Variants in FALEC observed in about 807,000 individuals in gnomAD.
The protein encoded by FALEC is focally amplified lncRNA on chromosome 1.
At chr1:150,522,856 T>TATACATATATATAC (rs1462943689), downstream of FALEC, among the ~76,000 whole-genome samples, 1 of 116,852 alleles carries the variant, frequency 8.6e-6, no homozygotes, top group African/African-American at 3.3e-5. Context: ...TCTCTCTATA[T>TATACATATATATAC]ATATATATAC....
At chr1:150,520,794 T>TTTTTTTTTTTTTTTTTTTTTA (rs1670631684), downstream of FALEC, among the ~76,000 whole-genome samples, 1 of 134,282 alleles carries the variant, frequency 7.4e-6, no homozygotes, top group Non-Finnish European at 1.6e-5. Flanking sequence ...TTTTTTTTTT[T>TTTTTTTTTTTTTTTTTTTTTA]TTTTTTTTTT....
downstream of FALEC, among the ~76,000 whole-genome samples, chr1:150,522,876 CATAT>C (rs587688475): frequency 9.5e-4 from 93 of 98,126 alleles, 3 homozygotes; most frequent in African/African-American, 3.8e-3. Flanking sequence ...CGTATATATA[CATAT>C]ATATATACGT....
At chr1:150,522,973 A>ATTTTT (rs1560270867), downstream of FALEC, among the ~76,000 whole-genome samples, 4 of 30,702 alleles carry the variant, frequency 1.3e-4, 1 homozygote, top group Non-Finnish European at 1.9e-4. Context: ...ATATATATAT[A>ATTTTT]TATATATATA....
the FALEC span, among the ~76,000 whole-genome samples, chr1:150,523,939 G>T: frequency 6.6e-6 from 1 of 152,148 alleles, no homozygotes; most frequent in Non-Finnish European, 1.5e-5. Context: ...GACTGTGGAA[G>T]CAGAGATCAA....
chr1:150,523,949 A>G, the FALEC span, among the ~76,000 whole-genome samples: 1 of 152,174 alleles, frequency 6.6e-6, no homozygotes, highest in Admixed American at 6.6e-5. Flanking sequence ...GCAGAGATCA[A>G]GGTGATTGAT....
chr1:150,530,010 G>T, the FALEC span, among the ~76,000 whole-genome samples: 1 of 152,266 alleles, frequency 6.6e-6, no homozygotes, highest in South Asian at 2.1e-4. Flanking sequence ...AAAGACAAGA[G>T]CCCCTAACTT....
At chr1:150,522,928 T>TATATATAC (rs1560270767), downstream of FALEC, among the ~76,000 whole-genome samples, 10 of 14,244 alleles carry the variant, frequency 7.0e-4, no homozygotes, top group African/African-American at 2.7e-3. Flanking sequence ...TATATATACA[T>TATATATAC]ATATATGTGT....
the FALEC span, among the ~76,000 whole-genome samples, chr1:150,533,354 C>T: frequency 6.8e-3 from 1,029 of 151,750 alleles, 14 homozygotes; most frequent in African/African-American, 0.023. Flanking sequence ...CAAGATGGGC[C>T]ACATCGAGTG....
At chr1:150,523,578 C>T in the FALEC span, among the ~76,000 whole-genome samples, 76 of 150,272 alleles carry the variant, frequency 5.1e-4, no homozygotes, top group South Asian at 0.015. Flanking sequence ...GGCGTGAACC[C>T]GGGAGGCAGA....
At chr1:150,529,886 C>T in the FALEC span, among the ~76,000 whole-genome samples, 4 of 152,094 alleles carry the variant, frequency 2.6e-5, no homozygotes, top group African/African-American at 7.2e-5. Flanking sequence ...GGTGAGCCAC[C>T]GCGCCCAGCC....
the FALEC span, among the ~76,000 whole-genome samples, chr1:150,527,433 A>G: frequency 6.6e-6 from 1 of 151,164 alleles, no homozygotes; most frequent in Non-Finnish European, 1.5e-5. Context: ...TAATTTGTGT[A>G]TTTTTAGTAG....
chr1:150,526,714 T>A, the FALEC span, among the ~76,000 whole-genome samples: 3 of 151,828 alleles, frequency 2.0e-5, no homozygotes, highest in Non-Finnish European at 4.4e-5. Context: ...GCTCACTGCA[T>A]GCTCCACCTC....
chr1:150,528,830 G>A, the FALEC span, among the ~76,000 whole-genome samples: 1,080 of 151,528 alleles, frequency 7.1e-3, 17 homozygotes, highest in African/African-American at 0.025. Flanking sequence ...CTCTTGATCC[G>A]TCTGCTTCGG....
the FALEC span, among the ~76,000 whole-genome samples, chr1:150,524,034 C>T: frequency 6.6e-6 from 1 of 152,172 alleles, no homozygotes; most frequent in African/African-American, 2.4e-5. Flanking sequence ...AGGAACCAGT[C>T]CTGATGACAC....
chr1:150,523,750 T>C, the FALEC span, among the ~76,000 whole-genome samples: 1 of 151,968 alleles, frequency 6.6e-6, no homozygotes, highest in Non-Finnish European at 1.5e-5. Context: ...GCCCCAAAGA[T>C]TTCCAGGTCC....
At chr1:150,523,482 C>T in the FALEC span, among the ~76,000 whole-genome samples, 2 of 151,106 alleles carry the variant, frequency 1.3e-5, no homozygotes, top group South Asian at 4.2e-4. Flanking sequence ...TGGTGAAACC[C>T]TGTCTCTACT....
the FALEC span, among the ~76,000 whole-genome samples, chr1:150,526,458 C>T: frequency 6.6e-6 from 1 of 151,866 alleles, no homozygotes; most frequent in Admixed American, 6.6e-5. Context: ...CTCATCTTTC[C>T]AAGTTGCTGG....
the FALEC span, among the ~76,000 whole-genome samples, chr1:150,532,643 T>G: frequency 5.3e-5 from 8 of 152,122 alleles, no homozygotes; most frequent in Non-Finnish European, 1.5e-5. Flanking sequence ...TATGATCCTT[T>G]TTTCATTCCA....
At chr1:150,533,563 G>C in the FALEC span, among the ~76,000 whole-genome samples, 23 of 150,846 alleles carry the variant, frequency 1.5e-4, no homozygotes, top group Non-Finnish European at 3.1e-4. Flanking sequence ...AGCCTCTTGA[G>C]TAGCTGGGAC....
Sources: allele counts gnomAD v4.1 joint callset (sites outside exome capture counted in the v4.1 genomes callset), GRCh38; gene constraint gnomAD v4.1.1; transcripts MANE v1.5; gene names NCBI Gene and HGNC (gene_info 2026-07-23, HGNC 2026-07-21).